CNTLN: variants seen among roughly 807,000 people sequenced by gnomAD.
CNTLN encodes the protein centlein.
In CNTLN, 212 loss-of-function variants were observed where a neutral mutation model predicts 180.0. The observed-to-expected ratio is 1.18, with a 90% confidence interval of 1.05 to 1.32. The LOEUF (loss-of-function observed/expected upper bound fraction) is 1.32, where lower values mean the gene tolerates loss of function less well. Ranked by LOEUF, CNTLN falls within the 40% of genes most tolerant of loss-of-function variation. The probability of loss-of-function intolerance (pLI) is 0.00; values close to 1 mark genes in which losing one functional copy is unlikely to be tolerated. For missense variants in CNTLN, 2,095 were observed against 1,610.9 expected, an observed-to-expected ratio of 1.30 and a Z score of -5.14; for synonymous variants, 722 against 563.1, an observed-to-expected ratio of 1.28 and a Z score of -3.99.
intron 25 of CNTLN, 78 bp from the exon 26 acceptor site, chr9:17,502,473 G>T: frequency 1.5e-6 from 1 of 667,676 alleles, no homozygotes; most frequent in Non-Finnish European, 2.4e-6. Context: ...AACTTCTAAT[G>T]GTTTAATAAT....
At chr9:17,275,953 T>C (rs1181489644) in intron 6 of CNTLN, among the ~76,000 whole-genome samples, 1 of 151,938 alleles carries the variant, frequency 6.6e-6, no homozygotes, top group African/African-American at 2.4e-5. Context: ...GACATAAACG[T>C]AGGAGCAGTA....
chr9:17,295,351 C>T (rs565133323), intron 6 of CNTLN, among the ~76,000 whole-genome samples: 4 of 152,302 alleles, frequency 2.6e-5, no homozygotes, highest in East Asian at 1.9e-4. Context: ...GCGCGGAGAG[C>T]GAGCCACGAC....
chr9:17,278,711 T>C (rs1828473043), intron 6 of CNTLN, among the ~76,000 whole-genome samples: 1 of 152,070 alleles, frequency 6.6e-6, no homozygotes, highest in Non-Finnish European at 1.5e-5. Flanking sequence ...ATGATAAACG[T>C]GAATTATGTA....
chr9:17,230,751 T>A (rs1824761931), intron 3 of CNTLN, among the ~76,000 whole-genome samples: 1 of 152,088 alleles, frequency 6.6e-6, no homozygotes, highest in Non-Finnish European at 1.5e-5. Context: ...TGATCTTCCC[T>A]GTGACAACAT....
At chr9:17,393,417 G>C (rs1482286521) in intron 14 of CNTLN, among the ~76,000 whole-genome samples, 5 of 152,104 alleles carry the variant, frequency 3.3e-5, no homozygotes, top group South Asian at 2.1e-4. Flanking sequence ...TGTTTTGCTT[G>C]TCTCCAGTTT....
At chr9:17,449,106 C>G (rs1830628073) in intron 18 of CNTLN, among the ~76,000 whole-genome samples, 1 of 152,108 alleles carries the variant, frequency 6.6e-6, no homozygotes, top group African/African-American at 2.4e-5. Flanking sequence ...CATAATATTA[C>G]CATATAAACA....
At chr9:17,267,165 AG>A (rs1396022436) in intron 5 of CNTLN, among the ~76,000 whole-genome samples, 1 of 152,034 alleles carries the variant, frequency 6.6e-6, no homozygotes, top group Non-Finnish European at 1.5e-5. Context: ...ATGTTTTTGC[AG>A]TGGCTGGTAC....
Position 17,370,900 on chromosome 9 carries a change from A to G in CNTLN, c.1987+4183A>G, listed in dbSNP as rs542827110. Among the ~76,000 whole-genome samples, 6 of 152,274 alleles carry G rather than the reference A, an allele frequency of 3.9e-5. No individual in the cohort carries two copies. The South Asian group carries it at 1.0e-3, about 26-fold the overall frequency. On this transcript the variant is annotated intron_variant, in intron 13 of 25. Transcript: ENST00000380647. ...GGGTTATAAGATAGTTATATCCCAT[A>G]TATATAATGGGTTGCAACATTCATT...
At chr9:17,397,568 A>C (rs1826634478) in intron 15 of CNTLN, among the ~76,000 whole-genome samples, 1 of 152,194 alleles carries the variant, frequency 6.6e-6, no homozygotes, top group Non-Finnish European at 1.5e-5. Context: ...TCTTTACTGC[A>C]GGCTGTTTCA....
chr9:17,156,562 G>A (rs570748943), intron 2 of CNTLN, among the ~76,000 whole-genome samples: 2 of 151,836 alleles, frequency 1.3e-5, no homozygotes, highest in Non-Finnish European at 2.9e-5. Flanking sequence ...ATTCTGTAGA[G>A]TTTCCCCAAA....
chr9:17,333,251 T>A (rs1820763350), intron 10 of CNTLN, among the ~76,000 whole-genome samples: 2 of 152,156 alleles, frequency 1.3e-5, no homozygotes, highest in South Asian at 4.1e-4. Context: ...TTAAGAAACA[T>A]GTATGTTATC....
chr9:17,248,508 A>C (rs1451970142), intron 5 of CNTLN, among the ~76,000 whole-genome samples: 1 of 147,618 alleles, frequency 6.8e-6, no homozygotes, highest in East Asian at 1.9e-4. Flanking sequence ...ATTTGATGGA[A>C]AATTATAATT....
At position 17,284,736 on chromosome 9, in the gene CNTLN, T is replaced by G. The variant is rs1452326896; in HGVS notation, c.983+10870T>G. On this transcript the variant is annotated intron_variant, in intron 6 of 25. Transcript: ENST00000380647. The stretch of plus-strand genomic sequence containing the variant: ...GGATTCATTGATTTTTTTGGAAGGG[T>G]TTTTCATGTCTGTATCTCCTTCAAT... 3.3e-5 allele frequency among the ~76,000 whole-genome samples: 5 copies of G among 152,092 alleles called. No individual in the cohort carries two copies. In the East Asian group the frequency reaches 7.7e-4, roughly 24 times the overall value.
At chr9:17,200,248 G>A (rs1822430056) in intron 2 of CNTLN, among the ~76,000 whole-genome samples, 3 of 152,120 alleles carry the variant, frequency 2.0e-5, no homozygotes, top group Non-Finnish European at 4.4e-5. Context: ...TAGCCTTGTA[G>A]TATAGTTTGA....
At chr9:17,183,574 A>T (rs1192209597) in intron 2 of CNTLN, among the ~76,000 whole-genome samples, 1 of 152,098 alleles carries the variant, frequency 6.6e-6, no homozygotes, top group Non-Finnish European at 1.5e-5. Flanking sequence ...TAAAATGTTC[A>T]CGTGAAACAC....
At chr9:17,346,060 A>G (rs1821862059) in intron 12 of CNTLN, among the ~76,000 whole-genome samples, 1 of 152,204 alleles carries the variant, frequency 6.6e-6, no homozygotes, top group Admixed American at 6.5e-5. Context: ...GATAATTTAT[A>G]AAGGAAAGAG....
chr9:17,374,922 A>G (rs1210730241), intron 13 of CNTLN, among the ~76,000 whole-genome samples: 2 of 152,110 alleles, frequency 1.3e-5, no homozygotes, highest in Non-Finnish European at 2.9e-5. Flanking sequence ...TGCTAGTTAT[A>G]TACCCAAAAG....
chr9:17,442,038 A>G (rs1830139689), intron 18 of CNTLN, among the ~76,000 whole-genome samples: 1 of 152,216 alleles, frequency 6.6e-6, no homozygotes, highest in Non-Finnish European at 1.5e-5. Context: ...TATAGGAAGG[A>G]AACTTTGACA....
Position 17,502,729 on chromosome 9 carries a change from G to A in CNTLN, c.*77G>A, listed in dbSNP as rs562314363. 788 of 514,434 alleles carry A rather than the reference G, an allele frequency of 1.5e-3. 1 individual carries two copies. The highest frequency in any genetic ancestry group is 2.6e-3 in the Middle Eastern group (9 of 3,456). 31.9% of individuals were successfully genotyped at this position (514,434 alleles called of 1,614,324 possible). On this transcript the variant is annotated 3_prime_UTR_variant, in exon 26 of 26. Transcript: ENST00000380647. ...ATTGGAATACATGCATTGCAATCCT[G>A]ACACGGTATCTGCTCCAACTATCAA...
Sources: gnomAD v4.1 joint callset for allele counts (sites outside exome capture counted in the v4.1 genomes callset) on GRCh38, gnomAD v4.1.1 for gene constraint, MANE v1.5 for transcripts, NCBI Gene and HGNC (gene_info 2026-07-23, HGNC 2026-07-21) for gene names.